The following SIL1 variants were observed in gnomAD, a reference collection of about 807,000 sequenced individuals.
SIL1 encodes nucleotide exchange factor SIL1.
A neutral mutation model predicts 49.1 loss-of-function variants in SIL1; 40 were observed. The observed-to-expected ratio is 0.81, with a 90% CI of 0.63 to 1.06. The LOEUF is 1.06. Ranked by LOEUF, SIL1 falls within the 50% of genes least tolerant of loss-of-function variation. The pLI, the probability that SIL1 is intolerant of heterozygous loss-of-function variation, is 0.00. For synonymous variants in SIL1, 253 were observed against 250.8 expected (o/e 1.01, Z -0.08); for missense variants, 500 against 572.6 (o/e 0.87, Z 1.29).
intron 3 of SIL1, among the ~76,000 whole-genome samples, chr5:139,083,195 T>C (rs188339454): frequency 7.9e-5 from 12 of 152,328 alleles, no homozygotes; most frequent in Non-Finnish European, 1.3e-4. Flanking sequence ...TGGGAGAAAC[T>C]AGGGAGGTGA....
intron 3 of SIL1, among the ~76,000 whole-genome samples, chr5:139,074,653 C>T (rs1247708577): frequency 6.6e-6 from 1 of 152,104 alleles, no homozygotes; most frequent in Non-Finnish European, 1.5e-5. Context: ...TCAAGGATCG[C>T]ACAGTGAAGC....
At chr5:139,078,271 A>G (rs1022194682) in intron 3 of SIL1, among the ~76,000 whole-genome samples, 2 of 152,116 alleles carry the variant, frequency 1.3e-5, no homozygotes, top group African/African-American at 2.4e-5. Flanking sequence ...CAGTGAGACC[A>G]TATCTCTACC....
chr5:139,189,481 A>G (rs969237113), intron 1 of SIL1, among the ~76,000 whole-genome samples: 7 of 152,202 alleles, frequency 4.6e-5, no homozygotes, highest in Admixed American at 3.9e-4. Flanking sequence ...CAGGGCTCCC[A>G]CTAAGTCTAC....
chr5:139,104,548 A>T (rs769873889), intron 3 of SIL1, among the ~76,000 whole-genome samples: 27 of 152,316 alleles, frequency 1.8e-4, no homozygotes. Flanking sequence ...CCTCTCCCCT[A>T]GCAGAGGGCA....
intron 1 of SIL1, among the ~76,000 whole-genome samples, chr5:139,138,986 T>A (rs1200076415): frequency 1.3e-5 from 2 of 152,200 alleles, no homozygotes; most frequent in Non-Finnish European, 2.9e-5. Context: ...CAGTGCCAGC[T>A]GACTGACATC....
chr5:139,140,605 TG>T (rs1336720874), intron 1 of SIL1, among the ~76,000 whole-genome samples: 5 of 152,170 alleles, frequency 3.3e-5, no homozygotes, highest in Non-Finnish European at 7.4e-5. Context: ...AAAAATCAGA[TG>T]CCTCTCAACA....
At chr5:139,143,210 T>C (rs1047784858) in intron 1 of SIL1, among the ~76,000 whole-genome samples, 6 of 147,866 alleles carry the variant, frequency 4.1e-5, no homozygotes, top group African/African-American at 1.5e-4. Flanking sequence ...TATATATGTG[T>C]ATATACACAT....
At chr5:138,982,264 G>A (rs1489333573) in intron 7 of SIL1, among the ~76,000 whole-genome samples, 1 of 152,164 alleles carries the variant, frequency 6.6e-6, no homozygotes, top group African/African-American at 2.4e-5. Context: ...GTTTGCCATG[G>A]GCAACAAACC....
intron 1 of SIL1, among the ~76,000 whole-genome samples, chr5:139,145,389 G>A (rs1751171600): frequency 6.6e-6 from 1 of 152,180 alleles, no homozygotes; most frequent in Non-Finnish European, 1.5e-5. Context: ...AGTATAAAAT[G>A]TTGCAGCTGC....
At chr5:139,053,284 C>A (rs1278866631) in intron 3 of SIL1, among the ~76,000 whole-genome samples, 1 of 152,098 alleles carries the variant, frequency 6.6e-6, no homozygotes, top group Non-Finnish European at 1.5e-5. Flanking sequence ...CATTGATACC[C>A]AATCTACCTC....
intron 3 of SIL1, among the ~76,000 whole-genome samples, chr5:139,077,701 G>A (rs1769982722): frequency 6.6e-6 from 1 of 152,134 alleles, no homozygotes; most frequent in Admixed American, 6.5e-5. Context: ...TCCACACAGA[G>A]GCACCAAAAC....
At chr5:139,178,042 G>A (rs1312929909) in intron 1 of SIL1, among the ~76,000 whole-genome samples, 2 of 152,232 alleles carry the variant, frequency 1.3e-5, no homozygotes, top group Non-Finnish European at 1.5e-5. Context: ...AAAGGACTCT[G>A]TAGCTGTCAG....
chr5:139,091,524 C>T (rs1770341974), intron 3 of SIL1, among the ~76,000 whole-genome samples: 1 of 152,212 alleles, frequency 6.6e-6, no homozygotes, highest in Non-Finnish European at 1.5e-5. Context: ...CTGCTTTCCA[C>T]CTATTAGGTT....
chr5:139,194,499 ACT>A (rs937762171), intron 1 of SIL1, among the ~76,000 whole-genome samples: 13 of 152,182 alleles, frequency 8.5e-5, no homozygotes, highest in African/African-American at 2.2e-4. Context: ...AAAATACAAG[ACT>A]CTCTGCTGTA....
chr5:138,976,551 A>T (rs1767397628), intron 7 of SIL1, among the ~76,000 whole-genome samples: 1 of 151,870 alleles, frequency 6.6e-6, no homozygotes, highest in Non-Finnish European at 1.5e-5. Context: ...TGAGCTCAGG[A>T]GATCCACCCG....
chr5:139,141,721 T>C lies in SIL1; in HGVS notation c.-10-13868A>G, dbSNP rs560046373. Among the ~76,000 whole-genome samples, 95 of 152,312 alleles carry C rather than the reference T, an allele frequency of 6.2e-4. 1 individual carries two copies. In the Middle Eastern group the frequency reaches 0.01, roughly 16 times the overall value. On this transcript the variant is annotated intron_variant, in intron 1 of 9. Coordinates refer to ENST00000394817, the MANE Select transcript of SIL1 (RefSeq NM_022464.5). ...GCAGCAGAACCTAATGGCATACATA[T>C]GTAAATTACTACTTTGGAAAGAAGT...
chr5:139,050,623 A>T (rs2150453728), intron 4 of SIL1, among the ~76,000 whole-genome samples: 1 of 152,364 alleles, frequency 6.6e-6, no homozygotes, highest in East Asian at 1.9e-4. Flanking sequence ...TAGATGACTC[A>T]TCTGTAATCA....
rs565935760 is a variant in SIL1, at chr5:139,170,323, C to T, written c.-11+27946G>A. On this transcript the variant is annotated intron_variant, in intron 1 of 9. Transcript: ENST00000394817. ...GAAGTGAGGAGCGTCTCTGCTTGGC[C>T]GCCCATCGTGTGGGACGTGAGGAGC... Among the ~76,000 whole-genome samples, 22 of 151,868 alleles carry T rather than the reference C, an allele frequency of 1.4e-4. No homozygotes were observed. In the South Asian group the frequency reaches 3.5e-3, roughly 24 times the overall value.
At chr5:139,041,602 G>C (rs1224050696) in intron 5 of SIL1, among the ~76,000 whole-genome samples, 1 of 152,070 alleles carries the variant, frequency 6.6e-6, no homozygotes, top group African/African-American at 2.4e-5. Flanking sequence ...TCAGGAGTTC[G>C]AGAGCAACCT....
Sources: allele counts gnomAD v4.1 joint callset (sites outside exome capture counted in the v4.1 genomes callset), GRCh38; gene constraint gnomAD v4.1.1; transcripts MANE v1.5; gene names NCBI Gene and HGNC (gene_info 2026-07-23, HGNC 2026-07-21).